PLCH2: variants seen among roughly 807,000 people sequenced by gnomAD.
PLCH2 encodes 1-phosphatidylinositol 4,5-bisphosphate phosphodiesterase eta-2.
Under a neutral mutation model 134.7 loss-of-function variants are expected in PLCH2, and 98 were observed. The observed-to-expected ratio is 0.73, with a 90% CI of 0.62 to 0.86. The LOEUF is 0.86. Ranked by LOEUF, PLCH2 falls within the 40% of genes least tolerant of loss-of-function variation. The pLI, the probability that PLCH2 is intolerant of heterozygous loss-of-function variation, is 0.00. For synonymous variants in PLCH2, 974 were observed against 827.5 expected (o/e 1.18, Z -3.04); for missense variants, 1,994 against 1,986.6 (o/e 1.00, Z -0.07).
chr1:2,436,393 CACCTT>C lies in PLCH2; in HGVS notation c.115+5765_115+5769del, dbSNP rs1176065134. Among the ~76,000 whole-genome samples the C allele has an allele frequency of 5.9e-4, 50 of 84,184 alleles. 16 individuals carry two copies. The highest frequency in any genetic ancestry group is 7.7e-4 in the Non-Finnish European group (28 of 36,186). 55.2% of individuals were successfully genotyped at this position (84,184 alleles called of 152,430 possible). On this transcript the variant is annotated intron_variant, in intron 2 of 3. Transcript: ENST00000609981. ...TTCCTCCCTCCTCCCTTCCTCCCTC[CACCTT>C]TCCTCCTTCCTCCCTCCACCTTTCC...
chr1:2,459,514 CTCCTTCCT>C (rs1640689308), intron 2 of PLCH2, among the ~76,000 whole-genome samples: 12 of 123,214 alleles, frequency 9.7e-5, no homozygotes, highest in African/African-American at 2.7e-4. Flanking sequence ...CCTGGTGGTC[CTCCTTCCT>C]GGTGGTCCTC....
At chr1:2,452,151 G>A (rs1359322084) in intron 2 of PLCH2, among the ~76,000 whole-genome samples, 2 of 152,150 alleles carry the variant, frequency 1.3e-5, no homozygotes, top group Non-Finnish European at 2.9e-5. Flanking sequence ...CTGGAACCAC[G>A]GTGGCCGCCG....
chr1:2,482,525 C>T (rs1642029648), intron 4 of PLCH2, among the ~76,000 whole-genome samples: 1 of 152,232 alleles, frequency 6.6e-6, no homozygotes, highest in Non-Finnish European at 1.5e-5. Context: ...CTGGGCCCTT[C>T]ATGCCACGCT....
chr1:2,449,145 G>GC (rs990454254), intron 2 of PLCH2, among the ~76,000 whole-genome samples: 3 of 71,510 alleles, frequency 4.2e-5, no homozygotes, highest in East Asian at 3.6e-4. Context: ...CCCACCCCCC[G>GC]CCCCCCACCA....
chr1:2,425,246 AAC>A (rs908497967), upstream of PLCH2, among the ~76,000 whole-genome samples: 140 of 143,826 alleles, frequency 9.7e-4, 1 homozygote, highest in African/African-American at 2.7e-3. Flanking sequence ...ACACATATGT[AAC>A]ACACACATAC....
At chr1:2,442,293 G>C (rs1639727594) in intron 2 of PLCH2, among the ~76,000 whole-genome samples, 5 of 152,192 alleles carry the variant, frequency 3.3e-5, no homozygotes, top group Admixed American at 2.6e-4. Flanking sequence ...AATCTGTGGG[G>C]AGCCAGGACA....
chr1:2,422,485 A>G (rs1055677154), upstream of PLCH2, among the ~76,000 whole-genome samples: 4 of 152,218 alleles, frequency 2.6e-5, no homozygotes, highest in African/African-American at 9.6e-5. Flanking sequence ...CTGGCCTCAC[A>G]GGGCTGAGCC....
intron 2 of PLCH2, among the ~76,000 whole-genome samples, chr1:2,432,168 G>A (rs534980177): frequency 6.6e-5 from 10 of 152,224 alleles, no homozygotes; most frequent in Non-Finnish European, 1.0e-4. Flanking sequence ...TGCAGATGAG[G>A]CGGTGAGGAC....
At chr1:2,451,645 C>T (rs1462343637) in intron 2 of PLCH2, among the ~76,000 whole-genome samples, 1 of 152,226 alleles carries the variant, frequency 6.6e-6, no homozygotes, top group Non-Finnish European at 1.5e-5. Flanking sequence ...GCTCTGACCC[C>T]TCAGAGGGTC....
intron 2 of PLCH2, among the ~76,000 whole-genome samples, chr1:2,435,890 C>T (rs148934411): frequency 6.6e-6 from 1 of 151,928 alleles, no homozygotes; most frequent in Admixed American, 6.5e-5. Flanking sequence ...CTTGGGCTCT[C>T]ATCATCTCTC....
At chr1:2,467,755 C>A in intron 1 of PLCH2, 1 of 400,116 alleles carries the variant, frequency 2.5e-6, no homozygotes, top group Non-Finnish European at 4.4e-6. Context: ...CGCCCAGGAC[C>A]GGACCTGTTC....
chr1:2,443,667 G>A (rs1332387250), intron 2 of PLCH2, among the ~76,000 whole-genome samples: 1 of 149,402 alleles, frequency 6.7e-6, no homozygotes, highest in East Asian at 1.9e-4. Flanking sequence ...CCCGGTGCCC[G>A]CCGCGGAGCC....
At chr1:2,480,680 G>C (rs931546744) in intron 4 of PLCH2, among the ~76,000 whole-genome samples, 5 of 152,222 alleles carry the variant, frequency 3.3e-5, no homozygotes, top group African/African-American at 1.2e-4. Context: ...GCAGCCTCGA[G>C]GGGGGTACAC....
chr1:2,434,561 G>A (rs1269455375), intron 2 of PLCH2, among the ~76,000 whole-genome samples: 1 of 152,254 alleles, frequency 6.6e-6, no homozygotes, highest in Non-Finnish European at 1.5e-5. Flanking sequence ...GGCCTCGGGG[G>A]CCCTGACTCT....
chr1:2,420,159 CG>C, the PLCH2 span, among the ~76,000 whole-genome samples: 1 of 152,092 alleles, frequency 6.6e-6, no homozygotes, highest in Non-Finnish European at 1.5e-5. Context: ...ACAGGCCCCC[CG>C]CCCCAGCCCC....
At chr1:2,434,057 G>A (rs1026914148) in intron 2 of PLCH2, among the ~76,000 whole-genome samples, 10 of 152,250 alleles carry the variant, frequency 6.6e-5, no homozygotes, top group South Asian at 2.1e-4. Flanking sequence ...GGCATCGCGC[G>A]TCCGGCTTCG....
intron 1 of PLCH2, among the ~76,000 whole-genome samples, chr1:2,470,387 C>T (rs543451439): frequency 1.8e-4 from 27 of 152,288 alleles, no homozygotes; most frequent in East Asian, 1.4e-3. Context: ...CAGGGAGGTC[C>T]AGACAGGGAC....
intron 13 of PLCH2, 135 bp downstream of exon 13, chr1:2,495,705 A>G: frequency 1.6e-6 from 1 of 625,142 alleles, no homozygotes; most frequent in Admixed American, 3.2e-5. Flanking sequence ...CCCTGGAAGC[A>G]GTGAAGTGGT....
In PLCH2 at chr1:2,479,780, G is replaced by T; in HGVS notation, c.318G>T (p.Glu106Asp). Residue 106 changes from glutamate to aspartate, a missense_variant, in exon 3 of 22, where the codon GAG becomes GAT. By Grantham distance (45) the Glu-to-Asp change is conservative. This residue lies in a region of PLCH2 where 1,094 missense variants were observed against 1,234.3 expected (regional missense o/e 0.89). Coordinates refer to ENST00000378486, the MANE Select transcript of PLCH2 (RefSeq NM_014638.4). Reference sequence around the variant, plus strand: ...AGGTGAGTGAGGGGCGGCAGTCGGAGGTCTTCCAGCGCTACCCTGACGGCA... The same window carrying T: ...AGGTGAGTGAGGGGCGGCAGTCGGATGTCTTCCAGCGCTACCCTGACGGCA... ...IQEVSEGRQSEVFQRYPDGSF... is the reference protein window; with the variant it reads ...IQEVSEGRQSDVFQRYPDGSF... 5 of 1,563,082 alleles carry T rather than the reference G, an allele frequency of 3.2e-6. No homozygotes were observed. Among genetic ancestry groups the T allele is most frequent in the Non-Finnish European group, 4.3e-6 (5 of 1,154,076 alleles).
Sources: gnomAD v4.1 joint callset for allele counts (sites outside exome capture counted in the v4.1 genomes callset) on GRCh38, gnomAD v4.1.1 for gene constraint, gnomAD v4.1.1 regional missense constraint, MANE v1.5 for transcripts, NCBI Gene and HGNC (gene_info 2026-07-23, HGNC 2026-07-21) for gene names.